ZNF609: variants seen among roughly 807,000 people sequenced by gnomAD.
ZNF609 encodes the protein zinc finger protein 609.
A neutral mutation model predicts 109.5 loss-of-function variants in ZNF609; 11 were observed. That is an observed-to-expected ratio of 0.10 (90% CI 0.06 to 0.17). ZNF609 has a LOEUF of 0.17. ZNF609 is among the 10% of genes least tolerant of loss of function. The pLI is 1.00. For missense variants in ZNF609, 1,559 were observed against 1,772.4 expected (o/e 0.88, Z 2.16); for synonymous variants, 646 against 662.0 (o/e 0.98, Z 0.37).
chr15:64,564,334 A>G (rs974012522), intron 2 of ZNF609, among the ~76,000 whole-genome samples: 1 of 152,108 alleles, frequency 6.6e-6, no homozygotes, highest in Non-Finnish European at 1.5e-5. Context: ...TGAATGGCTC[A>G]GAAGGGAGAG....
At chr15:64,533,173 C>T (rs1419456949) in intron 2 of ZNF609, among the ~76,000 whole-genome samples, 1 of 151,976 alleles carries the variant, frequency 6.6e-6, no homozygotes, top group African/African-American at 2.4e-5. Flanking sequence ...GCCTCAGCCT[C>T]CTGAGTAGCT....
rs115424949 is a variant in ZNF609 at position 64,529,339 on chromosome 15, G to A, written c.747+29173G>A. On this transcript the variant is annotated intron_variant, in intron 2 of 9. Coordinates refer to ENST00000326648, the MANE Select transcript of ZNF609 (RefSeq NM_015042.2). ...ACCCTTTTGGCTCCCCCCTGCAAGT[G>A]AGCCCCAGCCTTCTCCATGGTGGTG... 740 of 727,888 alleles carry A rather than the reference G, an allele frequency of 1.0e-3. 7 individuals carry two copies. In the African/African-American group the frequency reaches 0.011, roughly 11 times the overall value. The allele number at this position is 727,888 out of a possible 1,614,324, so 45.1% of individuals were successfully genotyped here. A position where few individuals can be genotyped will look rare whatever the true frequency, so the allele number is the denominator to read the frequency against.
intron 3 of ZNF609, among the ~76,000 whole-genome samples, chr15:64,626,154 G>A (rs1895959658): frequency 6.6e-6 from 1 of 151,822 alleles, no homozygotes; most frequent in Non-Finnish European, 1.5e-5. Flanking sequence ...TGTATTTCAA[G>A]GCTTAGGTCT....
At chr15:64,529,936 G>C (rs536800198) in intron 2 of ZNF609, among the ~76,000 whole-genome samples, 1 of 151,664 alleles carries the variant, frequency 6.6e-6, no homozygotes, top group Admixed American at 6.6e-5. Flanking sequence ...TTCCATGTTG[G>C]TCAGGCTGGT....
chr15:64,645,077 C>T (rs1366108297), intron 3 of ZNF609, among the ~76,000 whole-genome samples: 2 of 103,140 alleles, frequency 1.9e-5, no homozygotes, highest in Non-Finnish European at 4.0e-5. Flanking sequence ...TCCTTCCTTC[C>T]TTTCTTTCCC....
Position 64,673,910 on chromosome 15 carries a change from G to T in ZNF609, c.1062-6G>T. 1 of 1,607,208 alleles carries T rather than the reference G, an allele frequency of 6.2e-7. No individual in the cohort carries two copies. Among genetic ancestry groups the T allele is most frequent in the Non-Finnish European group, 8.5e-7 (1 of 1,175,636 alleles). The stretch of plus-strand genomic sequence containing the variant: ...TAATATTCTGTTGTGTTTATCCTTT[G>T]CCAAGGTTCTGTGACTCCCCGACCA... On this transcript the variant is annotated splice_polypyrimidine_tract_variant and splice_region_variant and intron_variant, in intron 4 of 9. Transcript: ENST00000326648.
At chr15:64,595,631 G>C (rs907671915) in intron 2 of ZNF609, among the ~76,000 whole-genome samples, 3 of 152,038 alleles carry the variant, frequency 2.0e-5, no homozygotes, top group Non-Finnish European at 4.4e-5. Context: ...TATCCTTAGG[G>C]GTCATAACAT....
intron 2 of ZNF609, among the ~76,000 whole-genome samples, chr15:64,566,920 T>C (rs562222663): frequency 1.4e-4 from 21 of 152,300 alleles, no homozygotes; most frequent in African/African-American, 5.1e-4. Flanking sequence ...GTGAGGACTA[T>C]TTGATGGCAG....
chr15:64,672,336 A>G (rs1341597399), intron 4 of ZNF609, among the ~76,000 whole-genome samples: 1 of 149,356 alleles, frequency 6.7e-6, no homozygotes, highest in Non-Finnish European at 1.5e-5. Flanking sequence ...TTATAAGACT[A>G]TATTCAGGCT....
At chr15:64,530,026 TG>T (rs1894035447) in intron 2 of ZNF609, among the ~76,000 whole-genome samples, 1 of 151,878 alleles carries the variant, frequency 6.6e-6, no homozygotes, top group East Asian at 1.9e-4. Context: ...CCACTGCACC[TG>T]GCCTTGGTTT....
chr15:64,668,655 A>C (rs373772850), intron 3 of ZNF609, among the ~76,000 whole-genome samples: 1 of 152,174 alleles, frequency 6.6e-6, no homozygotes. Context: ...CATTGTCTCT[A>C]AAAGAATTAA....
chr15:64,644,970 T>TC, intron 3 of ZNF609, among the ~76,000 whole-genome samples: 1 of 141,880 alleles, frequency 7.0e-6, no homozygotes, highest in African/African-American at 3.0e-5. Context: ...TTTCTTTTCT[T>TC]CTTTCTTTCT....
intron 2 of ZNF609, among the ~76,000 whole-genome samples, chr15:64,595,415 G>T (rs1336319133): frequency 6.6e-6 from 1 of 151,466 alleles, no homozygotes; most frequent in African/African-American, 2.4e-5. Context: ...CCTAGGAGGA[G>T]ATCCTGGCTG....
At chr15:64,496,648 G>A (rs1893486446) in intron 1 of ZNF609, among the ~76,000 whole-genome samples, 4 of 152,134 alleles carry the variant, frequency 2.6e-5, no homozygotes, top group African/African-American at 9.7e-5. Flanking sequence ...CTAGTTTAGT[G>A]CCTGGCACGT....
chr15:64,641,971 CCTTCCTTA>C (rs552761778), intron 3 of ZNF609, among the ~76,000 whole-genome samples: 183 of 152,096 alleles, frequency 1.2e-3, no homozygotes, highest in African/African-American at 4.3e-3. Flanking sequence ...GTAATTTGAC[CCTTCCTTA>C]CAGTCAGATC....
intron 1 of ZNF609, among the ~76,000 whole-genome samples, chr15:64,483,203 C>G (rs898683635): frequency 2.0e-5 from 3 of 151,802 alleles, no homozygotes; most frequent in Non-Finnish European, 2.9e-5. Context: ...TCAAGTGATT[C>G]TTCTGCCTCA....
chr15:64,488,959 A>T (rs948549146), intron 1 of ZNF609, among the ~76,000 whole-genome samples: 1 of 150,862 alleles, frequency 6.6e-6, no homozygotes, highest in Non-Finnish European at 1.5e-5. Flanking sequence ...TTAGCCGGGT[A>T]TGGTGGTGGT....
At chr15:64,672,962 C>CA (rs554300308) in intron 4 of ZNF609, among the ~76,000 whole-genome samples, 15,990 of 98,368 alleles carry the variant, frequency 0.16, 1,403 homozygotes, top group African/African-American at 0.3. Flanking sequence ...GACTCCATCT[C>CA]AAAAAAAAAA....
intron 2 of ZNF609, among the ~76,000 whole-genome samples, chr15:64,523,059 G>A (rs1202683150): frequency 6.6e-6 from 1 of 151,998 alleles, no homozygotes; most frequent in Non-Finnish European, 1.5e-5. Flanking sequence ...AAATGAGGCA[G>A]GAATACAGTA....
Sources: gnomAD v4.1 joint callset for allele counts (sites outside exome capture counted in the v4.1 genomes callset) on GRCh38, gnomAD v4.1.1 for gene constraint, MANE v1.5 for transcripts, NCBI Gene and HGNC (gene_info 2026-07-23, HGNC 2026-07-21) for gene names.